The following BPIFB4 variants were observed in gnomAD, a reference collection of about 807,000 sequenced individuals.
BPIFB4 encodes the protein BPI fold-containing family B member 4.
Under a neutral mutation model 69.2 loss-of-function variants are expected in BPIFB4, and 62 were observed. That is an observed-to-expected ratio of 0.90 (90% confidence interval 0.73 to 1.11). The LOEUF (loss-of-function observed/expected upper bound fraction) is 1.11, where lower values mean the gene tolerates loss of function less well. BPIFB4 is among the 50% of genes least tolerant of loss of function. The pLI, the probability that BPIFB4 is intolerant of heterozygous loss-of-function variation, is 0.00. For missense variants in BPIFB4, 789 were observed against 792.0 expected (o/e 1.00, Z 0.04); for synonymous variants, 330 against 332.7 (o/e 0.99, Z 0.09).
intron 1 of BPIFB4, among the ~76,000 whole-genome samples, 164 bp from the exon 2 acceptor site, chr20:33,080,305 C>T (rs1421887378): frequency 2.0e-5 from 3 of 152,150 alleles, no homozygotes; most frequent in Admixed American, 1.3e-4. Context: ...ATGCCCTGTG[C>T]TGACTCTCTG....
intron 13 of BPIFB4, 47 bp downstream of exon 13, chr20:33,097,834 G>C (rs1981798798): frequency 6.5e-7 from 1 of 1,529,374 alleles, no homozygotes; most frequent in African/African-American, 1.4e-5. Flanking sequence ...CCTCAAGACA[G>C]AGCCACATGG....
chr20:33,111,329 C>G, intron 17 of BPIFB4, 85 bp from the exon 18 acceptor site: 1 of 1,560,272 alleles, frequency 6.4e-7, no homozygotes, highest in African/African-American at 1.4e-5. Context: ...GAAACATGAC[C>G]GGCCAGATCC....
chr20:33,089,583 C>G lies in BPIFB4; in HGVS notation c.1051+25C>G, dbSNP rs527315479. 230 of 1,614,180 alleles carry G rather than the reference C, an allele frequency of 1.4e-4. No homozygotes were observed. In the South Asian group the frequency reaches 2.4e-3, roughly 17 times the overall value. On this transcript the variant is annotated intron_variant, in intron 9 of 17. Coordinates refer to ENST00000375483, the MANE Select transcript of BPIFB4 (RefSeq NM_182519.3). ...TGTAAGTCCAATACACTTTCTCCAG[C>G]CTGGGGAAGGCACTGAGGACCGGGC...
chr20:33,109,314 C>G (rs1237914221), intron 17 of BPIFB4, among the ~76,000 whole-genome samples: 1 of 151,952 alleles, frequency 6.6e-6, no homozygotes, highest in Non-Finnish European at 1.5e-5. Context: ...TCATCATCAT[C>G]TCTACTATTT....
At chr20:33,090,147 C>T (rs78486230) in intron 9 of BPIFB4, among the ~76,000 whole-genome samples, 5,092 of 152,292 alleles carry the variant, frequency 0.033, 144 homozygotes, top group African/African-American at 0.08. Flanking sequence ...GGCAGTGCCT[C>T]GAGTTGTGCA....
At position 33,092,552 on chromosome 20, in the gene BPIFB4, G is replaced by A. The variant is rs1306627056; in HGVS notation, c.1238G>A (p.Gly413Asp). Residue 413 changes from glycine (G) to aspartate (D), a missense_variant, in exon 11 of 18, where the codon GGT becomes GAT. This residue lies in a region of BPIFB4 where 611 missense variants were observed against 575.4 expected (regional missense o/e 1.06). Transcript: ENST00000375483. ...PKPMPELPPM[G>D]DNTKSQLAMS... is the part of the protein sequence containing the mutation. ...CCGATGCCAGAGCTGCCTCCCATGGGTGACAACACCAAGTCCCAGCTGGCC... is the reference window on the plus strand; with the variant it reads ...CCGATGCCAGAGCTGCCTCCCATGGATGACAACACCAAGTCCCAGCTGGCC... The A allele has an allele frequency of 1.2e-5, 19 of 1,614,134 alleles. No individual in the cohort carries two copies. The highest frequency in any genetic ancestry group is 1.5e-5 in the Non-Finnish European group (18 of 1,180,010).
chr20:33,081,433 G>C, intron 2 of BPIFB4, 79 bp from the exon 3 acceptor site: 2 of 1,515,800 alleles, frequency 1.3e-6, no homozygotes, highest in Non-Finnish European at 1.8e-6. Flanking sequence ...ATGACTCTTG[G>C]CTGGGGCTGC....
intron 13 of BPIFB4, among the ~76,000 whole-genome samples, chr20:33,099,077 C>T (rs1339781835): frequency 6.6e-6 from 1 of 151,736 alleles, no homozygotes; most frequent in Non-Finnish European, 1.5e-5. Context: ...AGTAGATGCT[C>T]AGTAAACATT....
chr20:33,089,588 G>A, intron 9 of BPIFB4, 30 bp downstream of exon 9: 1 of 1,614,172 alleles, frequency 6.2e-7, no homozygotes, highest in South Asian at 1.1e-5. Context: ...TCCAGCCTGG[G>A]GAAGGCACTG....
In BPIFB4 at chr20:33,082,947, G is replaced by C. The variant is rs761886542; in HGVS notation, c.116G>C (p.Gly39Ala). The C allele has an allele frequency of 8.1e-6, 13 of 1,613,368 alleles. No homozygotes were observed. Among genetic ancestry groups the C allele is most frequent in the Non-Finnish European group, 1.1e-5 (13 of 1,179,596 alleles). The change falls in exon 4 of 18, where the codon GGC becomes GCC. Residue 39 changes from glycine (G) to alanine (A), a missense_variant. By Grantham distance (60) the Gly-to-Ala change is moderately conservative. This residue lies in a region of BPIFB4 where 611 missense variants were observed against 575.4 expected (regional missense o/e 1.06). Coordinates refer to ENST00000375483, the MANE Select transcript of BPIFB4 (RefSeq NM_182519.3). ...CCTTGCCTCTCTGCAGCCATTTCAG[G>C]CATGCTGCAGCAAAGTGATGCTCTC... ...TKDVLSNAIS[G>A]MLQQSDALHS... is the part of the protein sequence containing the mutation.
intron 7 of BPIFB4, 135 bp downstream of exon 7, chr20:33,086,299 C>T: frequency 8.6e-7 from 1 of 1,165,286 alleles, no homozygotes; most frequent in Admixed American, 2.2e-5. Flanking sequence ...GGTGAGTACT[C>T]ATGCTGAGCC....
chr20:33,109,291 TTCA>T (rs3049389), intron 17 of BPIFB4, among the ~76,000 whole-genome samples: 14,200 of 152,106 alleles, frequency 0.093, 721 homozygotes, highest in Non-Finnish European at 0.12. Flanking sequence ...CAGGTTTATC[TTCA>T]TCATCATCAT....
At chr20:33,110,159 G>T (rs971187838) in intron 17 of BPIFB4, among the ~76,000 whole-genome samples, 2 of 152,172 alleles carry the variant, frequency 1.3e-5, no homozygotes, top group Non-Finnish European at 2.9e-5. Context: ...TCCAGTCAAG[G>T]ATCCCCTCTT....
At chr20:33,097,502 G>T (rs1981787237) in intron 12 of BPIFB4, 115 bp from the exon 13 acceptor site, 2 of 1,164,128 alleles carry the variant, frequency 1.7e-6, no homozygotes, top group Non-Finnish European at 1.2e-6. Flanking sequence ...CCTGTGGTTT[G>T]TTGGACTCAA....
chr20:33,099,773 A>G (rs1307188229), intron 13 of BPIFB4, among the ~76,000 whole-genome samples: 1 of 152,138 alleles, frequency 6.6e-6, no homozygotes, highest in Non-Finnish European at 1.5e-5. Flanking sequence ...GTTCTTCATC[A>G]GGCCAGTCAT....
At chr20:33,108,140 C>T (rs1159091039) in intron 17 of BPIFB4, among the ~76,000 whole-genome samples, 1 of 152,136 alleles carries the variant, frequency 6.6e-6, no homozygotes, top group Non-Finnish European at 1.5e-5. Flanking sequence ...ATTGGAGCAA[C>T]TTTTATTGAG....
chr20:33,111,731 A>C lies in BPIFB4; in HGVS notation c.*294A>C. ...AGGTTGAGTATTCCCACTTTCAATA[A>C]AAGACTCCACTTTCCCGGCACTTGT... On this transcript the variant is annotated 3_prime_UTR_variant, in exon 18 of 18. Transcript: ENST00000375483. 1 of 401,996 alleles carries C rather than the reference A, an allele frequency of 2.5e-6. No individual in the cohort carries two copies. Among genetic ancestry groups the C allele is most frequent in the Non-Finnish European group, 4.6e-6 (1 of 218,180 alleles). The allele number at this position is 401,996 out of a possible 1,614,324, so 24.9% of individuals were successfully genotyped here. A position where few individuals can be genotyped will look rare whatever the true frequency, so the allele number is the denominator to read the frequency against.
At chr20:33,094,219 C>T (rs1981693791) in intron 11 of BPIFB4, among the ~76,000 whole-genome samples, 1 of 152,186 alleles carries the variant, frequency 6.6e-6, no homozygotes, top group South Asian at 2.1e-4. Context: ...CCAAAGCTCT[C>T]CACAGACAAT....
At chr20:33,082,857 G>A (rs919402362) in intron 3 of BPIFB4, 81 bp from the exon 4 acceptor site, 74 of 1,391,122 alleles carry the variant, frequency 5.3e-5, no homozygotes, top group Non-Finnish European at 6.9e-5. Flanking sequence ...AGGGAGCTGA[G>A]CAACACTGCG....
Sources: gnomAD v4.1 joint callset for allele counts (sites outside exome capture counted in the v4.1 genomes callset) on GRCh38, gnomAD v4.1.1 for gene constraint, gnomAD v4.1.1 regional missense constraint, MANE v1.5 for transcripts, NCBI Gene and HGNC (gene_info 2026-07-23, HGNC 2026-07-21) for gene names.